Variants in PTCH1 observed in about 807,000 individuals in gnomAD.
PTCH1 encodes protein patched homolog 1.
Under a neutral mutation model 144.6 loss-of-function variants are expected in PTCH1, and 14 were observed. The observed-to-expected ratio is 0.10, with a 90% CI of 0.06 to 0.15. The LOEUF (loss-of-function observed/expected upper bound fraction) is 0.15, where lower values mean the gene tolerates loss of function less well. PTCH1 is among the 10% of genes least tolerant of loss of function. The pLI, the probability that PTCH1 is intolerant of heterozygous loss-of-function variation, is 1.00. For synonymous variants in PTCH1, 833 were observed against 793.6 expected, an observed-to-expected ratio of 1.05 and a Z score of -0.83; for missense variants, 1,623 against 1,948.3, an observed-to-expected ratio of 0.83 and a Z score of 3.14.
intron 3 of PTCH1, 150 bp from the exon 4 acceptor site, chr9:95,482,353 C>T: frequency 1.4e-6 from 1 of 727,310 alleles, no homozygotes; most frequent in South Asian, 1.7e-5. Flanking sequence ...AAGTAGAGAC[C>T]CAGCAAGCTT....
rs537501996 is a variant in PTCH1, at chr9:95,461,119, C to T, written c.2703+737G>A. ...GAGGAAGCTGAGGTAGCCCGGGCCC[C>T]GTGCAATTGGAGGAGTCCAAAACAC... On this transcript the variant is annotated intron_variant, in intron 16 of 23. Transcript: ENST00000331920. 3.3e-5 allele frequency among the ~76,000 whole-genome samples: 5 copies of T among 152,222 alleles called. No homozygotes were observed. In the East Asian group the frequency reaches 9.7e-4, roughly 29 times the overall value.
rs755139183 is a variant in PTCH1, at chr9:95,476,799, G to A, written c.1562C>T (p.Ala521Val). ...GVDDVFLLAH[A>V]FSETGQNKRI... ...TTTATTCTGTCCTGTTTCACTGAAG[G>A]CGTGGGCCAGAAGAAAAACATCATC... The change falls in exon 11 of 24, where the codon GCC (alanine) becomes GTC (valine). Residue 521 changes from alanine (A) to valine (V), a missense_variant. Ala to Val is a moderately conservative substitution (Grantham distance 64, BLOSUM62 0). Around this residue, in one of 7 missense-constraint regions of PTCH1, gnomAD observed 135 missense variants for 228.7 expected, o/e 0.59. Transcript: ENST00000331920. This position sits in a 1 kb window ranked among gnomAD's most constrained non-coding sequence, Gnocchi z 4.6. 2.5e-6 allele frequency: 4 copies of A among 1,614,072 alleles called. No homozygotes were observed. The highest frequency in any genetic ancestry group is 3.4e-6 in the Non-Finnish European group (4 of 1,179,966).
chr9:95,502,353 T>C (rs1330471065), intron 2 of PTCH1, among the ~76,000 whole-genome samples: 1 of 152,218 alleles, frequency 6.6e-6, no homozygotes, highest in Non-Finnish European at 1.5e-5. Context: ...GACTGTGGCT[T>C]TTCACCAACA....
At chr9:95,499,243 T>C (rs1842985393) in intron 2 of PTCH1, among the ~76,000 whole-genome samples, 1 of 151,500 alleles carries the variant, frequency 6.6e-6, no homozygotes, top group African/African-American at 2.4e-5. Context: ...TCACATCTTC[T>C]GCCAAGAGCC....
At chr9:95,494,484 A>G (rs1564073750) in intron 2 of PTCH1, 3 of 974,812 alleles carry the variant, frequency 3.1e-6, no homozygotes, top group Non-Finnish European at 3.7e-6. Context: ...GACTTCCTGC[A>G]GAGCACAGGC....
At chr9:95,496,195 G>A (rs758088254) in intron 2 of PTCH1, among the ~76,000 whole-genome samples, 13 of 152,112 alleles carry the variant, frequency 8.5e-5, no homozygotes, top group Non-Finnish European at 1.8e-4. Context: ...ATAGCTGCTC[G>A]GTGCTAATTA....
In PTCH1 at chr9:95,508,621, G is replaced by A. The variant is rs1302128381; in HGVS notation, c.-260C>T. ...CCTTCCATTGCCACATTGCGCGGGG[G>A]TCCCGAGGTCTCTGCGGCCGCCGCT... On this transcript the variant is annotated 5_prime_UTR_variant, in exon 1 of 24. Transcript: ENST00000331920. The A allele has an allele frequency of 7.1e-6, 7 of 991,850 alleles. No homozygotes were observed. The Admixed American group carries it at 2.4e-4, about 34-fold the overall frequency. The allele number at this position is 991,850 out of a possible 1,614,324, so 61.4% of individuals were successfully genotyped here.
rs1403916226 is a variant in PTCH1 at position 95,468,796 on chromosome 9, A to G, written c.2205T>C (p.Phe735=). The G allele has an allele frequency of 5.6e-6, 9 of 1,614,206 alleles. No individual in the cohort carries two copies. Among genetic ancestry groups the G allele is most frequent in the Non-Finnish European group, 7.6e-6 (9 of 1,180,014 alleles). The change falls in exon 14 of 24, where the codon TTT becomes TTC. Residue 735 remains phenylalanine, a synonymous_variant. Transcript: ENST00000331920. ...PPCTKWTLSS[F]AEKHYAPFLL... ...GGAAAGGAGCATAGTGCTTCTCAGC[A>G]AAAGATGAGAGTGTCCACTTCGTAC...
intron 19 of PTCH1, 70 bp downstream of exon 19, chr9:95,456,206 T>TG: frequency 6.2e-7 from 1 of 1,600,850 alleles, no homozygotes; most frequent in Non-Finnish European, 8.5e-7. Flanking sequence ...GGTTCCCACT[T>TG]GGAGACAAAC....
At chr9:95,452,240 T>A (rs1588524837) in intron 20 of PTCH1, 1 of 152,154 alleles carries the variant, frequency 6.6e-6, no homozygotes, top group Non-Finnish European at 1.5e-5. Context: ...AATGGACTCA[T>A]CTCTTTCCCG....
chr9:95,508,097 C>G, intron 1 of PTCH1, 64 bp downstream of exon 1: 1 of 1,597,912 alleles, frequency 6.3e-7, no homozygotes, highest in Non-Finnish European at 8.5e-7. Context: ...TTGTGTGTGG[C>G]GGGGGCGATC....
At chr9:95,462,869 C>T (rs1839625610) in intron 15 of PTCH1, among the ~76,000 whole-genome samples, 1 of 152,234 alleles carries the variant, frequency 6.6e-6, no homozygotes, top group Non-Finnish European at 1.5e-5. Flanking sequence ...ACCATCATTA[C>T]AGACCTGACG....
At chr9:95,515,190 A>C (rs1044136908) in intron 1 of PTCH1, among the ~76,000 whole-genome samples, 6 of 152,244 alleles carry the variant, frequency 3.9e-5, no homozygotes, top group Non-Finnish European at 8.8e-5. Flanking sequence ...TGTCGCCAAT[A>C]AACACAGAAA....
chr9:95,511,238 C>T (rs990370098), upstream of PTCH1, among the ~76,000 whole-genome samples: 6 of 151,562 alleles, frequency 4.0e-5, no homozygotes, highest in Non-Finnish European at 7.4e-5. Flanking sequence ...CCCCTTCCTT[C>T]CTCCCCGGCG....
chr9:95,501,265 TG>T (rs914193225), intron 2 of PTCH1, among the ~76,000 whole-genome samples: 11 of 151,070 alleles, frequency 7.3e-5, no homozygotes, highest in Non-Finnish European at 4.4e-5. Flanking sequence ...AGGGTGCTAC[TG>T]GCATCTAGTA....
intron 13 of PTCH1, 106 bp downstream of exon 13, chr9:95,469,707 A>G (rs1840388566): frequency 8.6e-7 from 1 of 1,158,042 alleles, no homozygotes; most frequent in Admixed American, 1.7e-5. Context: ...CCACACCAGC[A>G]CAAACCCCGT....
At chr9:95,490,984 A>G (rs1842362775) in intron 2 of PTCH1, among the ~76,000 whole-genome samples, 1 of 152,214 alleles carries the variant, frequency 6.6e-6, no homozygotes, top group Admixed American at 6.5e-5. Flanking sequence ...CATGTACACC[A>G]CAAATATATA....
Position 95,458,259 on chromosome 9 carries a change from G to C in PTCH1, c.2922C>G (p.Phe974Leu), listed in dbSNP as rs747385350. 1.9e-6 allele frequency: 3 copies of C among 1,614,054 alleles called. No individual in the cohort carries two copies. The highest frequency in any genetic ancestry group is 3.3e-5 in the Admixed American group (2 of 60,014). ...PAAEPIEYAQ[F>L]PFYLNGLRDT... ...CCCGCAAGCCGTTGAGGTAGAAAGGGAACTGGGCATACTCGATGGGCTCTG... is the reference window on the plus strand; with the variant it reads ...CCCGCAAGCCGTTGAGGTAGAAAGGCAACTGGGCATACTCGATGGGCTCTG... Residue 974 changes from phenylalanine (F) to leucine (L), a missense_variant, in exon 18 of 24, where the codon TTC becomes TTG. This residue lies in a region of PTCH1 where 504 missense variants were observed against 679.3 expected (regional missense o/e 0.74). Coordinates refer to ENST00000331920, the MANE Select transcript of PTCH1 (RefSeq NM_000264.5). The surrounding 1 kb of genome is among the most constrained non-coding windows in gnomAD (Gnocchi z 4.7).
Position 95,498,829 on chromosome 9 carries a change from G to A in PTCH1, c.394+7578C>T, listed in dbSNP as rs571857567. Among the ~76,000 whole-genome samples the A allele has an allele frequency of 4.3e-4, 66 of 152,300 alleles. 1 individual carries two copies. Among genetic ancestry groups the A allele is most frequent in the Admixed American group, 5.9e-4 (9 of 15,296 alleles). ...GCTTCCTCCTCCTGCAGGCAGAAGT[G>A]CCCTCACCAGCAAGGCCCTCTGGTC... On this transcript the variant is annotated intron_variant, in intron 2 of 23. Coordinates refer to ENST00000331920, the MANE Select transcript of PTCH1 (RefSeq NM_000264.5).
Sources: allele counts gnomAD v4.1 joint callset (sites outside exome capture counted in the v4.1 genomes callset), GRCh38; gene constraint gnomAD v4.1.1; regional missense constraint gnomAD v4.1.1; non-coding constraint Gnocchi (gnomAD v3.1); transcripts MANE v1.5; gene names NCBI Gene and HGNC (gene_info 2026-07-23, HGNC 2026-07-21).